The following CACNA1E variants were observed in gnomAD, a reference collection of about 807,000 sequenced individuals.
CACNA1E encodes the protein voltage-dependent R-type calcium channel subunit alpha-1E.
Under a neutral mutation model 259.2 loss-of-function variants are expected in CACNA1E, and 40 were observed. The observed-to-expected ratio is 0.15, with a 90% CI of 0.12 to 0.20. The LOEUF is 0.20. Among genes scored for constraint, CACNA1E ranks in the 10% least tolerant of loss-of-function variants. CACNA1E has a pLI of 1.00. For missense variants in CACNA1E, 1,874 were observed against 3,040.1 expected (o/e 0.62, Z 9.02); for synonymous variants, 1,104 against 1,138.5 (o/e 0.97, Z 0.61).
At chr1:181,371,116 G>A (rs1283196609) in intron 1 of CACNA1E, among the ~76,000 whole-genome samples, 1 of 151,794 alleles carries the variant, frequency 6.6e-6, no homozygotes, top group African/African-American at 2.4e-5. Context: ...TTTTAAATGG[G>A]GTTGTTTTTC....
rs1476355259 is a variant in CACNA1E at position 181,790,575 on chromosome 1, T to C, written c.5898+19T>C. The C allele has an allele frequency of 7.1e-7, 1 of 1,411,942 alleles. No homozygotes were observed. Among genetic ancestry groups the C allele is most frequent in the Admixed American group, 1.7e-5 (1 of 59,772 alleles). The allele number at this position is 1,411,942 out of a possible 1,614,324, so 87.5% of individuals were successfully genotyped here. A position where few individuals can be genotyped will look rare whatever the true frequency, so the allele number is the denominator to read the frequency against. Reference sequence around the variant, plus strand: ...GTCTCTGGTGAATGCATGAGTTATATGACCTCAAAACTACTTCCTTGGTTT... The same window carrying C: ...GTCTCTGGTGAATGCATGAGTTATACGACCTCAAAACTACTTCCTTGGTTT... On this transcript the variant is annotated intron_variant, in intron 44 of 47. Transcript: ENST00000367573.
At chr1:181,443,919 T>G (rs1660650678) in intron 2 of CACNA1E, among the ~76,000 whole-genome samples, 1 of 152,242 alleles carries the variant, frequency 6.6e-6, no homozygotes, top group Non-Finnish European at 1.5e-5. Flanking sequence ...CATAGTACAC[T>G]GATGGGAAAT....
At chr1:181,660,198 G>A (rs925226801) in intron 7 of CACNA1E, among the ~76,000 whole-genome samples, 1 of 152,220 alleles carries the variant, frequency 6.6e-6, no homozygotes, top group Non-Finnish European at 1.5e-5. Flanking sequence ...TGAATGCATA[G>A]AGTGGCTCCC....
intron 7 of CACNA1E, among the ~76,000 whole-genome samples, chr1:181,661,123 A>G (rs559164599): frequency 5.7e-4 from 87 of 152,362 alleles, no homozygotes; most frequent in South Asian, 2.9e-3. Flanking sequence ...ACATTCTAGC[A>G]CAGAGGCACA....
chr1:181,614,313 T>A (rs1655019121), intron 6 of CACNA1E, among the ~76,000 whole-genome samples: 1 of 152,208 alleles, frequency 6.6e-6, no homozygotes, highest in East Asian at 1.9e-4. Context: ...TCAAGCAATT[T>A]AACTTTTTCT....
intron 1 of CACNA1E, among the ~76,000 whole-genome samples, chr1:181,404,207 G>T (rs573384983): frequency 6.6e-6 from 1 of 152,168 alleles, no homozygotes; most frequent in Non-Finnish European, 1.5e-5. Context: ...GGGATGGAAC[G>T]ATCTTGAGGA....
intron 27 of CACNA1E, among the ~76,000 whole-genome samples, chr1:181,752,927 T>G (rs1035164955): frequency 6.6e-6 from 1 of 152,188 alleles, no homozygotes; most frequent in Admixed American, 6.5e-5. Context: ...CTTCCTGCAC[T>G]CTATCACACA....
intron 3 of CACNA1E, among the ~76,000 whole-genome samples, chr1:181,536,921 T>A (rs1219092174): frequency 6.6e-6 from 1 of 151,922 alleles, no homozygotes; most frequent in Non-Finnish European, 1.5e-5. Flanking sequence ...AGGGTTAAAG[T>A]GAGTGCTTGA....
At chr1:181,514,838 C>A (rs536204962) in intron 3 of CACNA1E, among the ~76,000 whole-genome samples, 1 of 152,186 alleles carries the variant, frequency 6.6e-6, no homozygotes, top group South Asian at 2.1e-4. Flanking sequence ...GACCTCTGAC[C>A]TCCTAAACTT....
chr1:181,706,028 G>A (rs1652762308), intron 7 of CACNA1E, among the ~76,000 whole-genome samples: 1 of 152,056 alleles, frequency 6.6e-6, no homozygotes, highest in South Asian at 2.1e-4. Flanking sequence ...ATCTCTCGGT[G>A]TAGAAACCCT....
intron 1 of CACNA1E, among the ~76,000 whole-genome samples, chr1:181,348,336 G>T (rs1652775001): frequency 6.6e-6 from 1 of 152,094 alleles, no homozygotes; most frequent in South Asian, 2.1e-4. Context: ...TAAACTTAGA[G>T]CTTCCAAGCC....
At chr1:181,402,911 C>G (rs991638548) in intron 1 of CACNA1E, among the ~76,000 whole-genome samples, 1 of 152,142 alleles carries the variant, frequency 6.6e-6, no homozygotes, top group Non-Finnish European at 1.5e-5. Context: ...GCTATGTGAC[C>G]TTGGGTAACT....
chr1:181,332,521 C>T (rs1022738337), intron 1 of CACNA1E, among the ~76,000 whole-genome samples: 1 of 152,112 alleles, frequency 6.6e-6, no homozygotes, highest in Non-Finnish European at 1.5e-5. Flanking sequence ...GATAAGTTTG[C>T]TCTTTTGTTC....
intron 6 of CACNA1E, among the ~76,000 whole-genome samples, chr1:181,621,027 C>G (rs1335903727): frequency 6.6e-6 from 1 of 152,212 alleles, no homozygotes. Context: ...TTACATAATA[C>G]ATGGAAAGTT....
At chr1:181,793,880 C>T (rs1661551601) in intron 45 of CACNA1E, 87 bp downstream of exon 45, 2 of 1,396,814 alleles carry the variant, frequency 1.4e-6, no homozygotes, top group African/African-American at 2.9e-5. Context: ...TGCAGGTGAG[C>T]CGTTGACTTG....
At position 181,483,597 on chromosome 1, in the gene CACNA1E, G is replaced by A. The variant is rs1217300532; in HGVS notation, c.-148G>A. ...GGCGGGCTGCTGCTGCTGCCTCTCC[G>A]AAGAGCTCGCGGAGCTCCCCAGAGG... On this transcript the variant is annotated 5_prime_UTR_variant, in exon 1 of 48. Coordinates refer to ENST00000367573, the MANE Select transcript of CACNA1E (RefSeq NM_001205293.3). 8.6e-6 allele frequency: 4 copies of A among 462,842 alleles called. No individual in the cohort carries two copies. Among genetic ancestry groups the A allele is most frequent in the Non-Finnish European group, 1.5e-5 (4 of 264,426 alleles). The allele number at this position is 462,842 out of a possible 1,614,324, so 28.7% of individuals were successfully genotyped here.
intron 45 of CACNA1E, among the ~76,000 whole-genome samples, chr1:181,794,351 G>A (rs927176488): frequency 2.6e-5 from 4 of 152,220 alleles, no homozygotes; most frequent in African/African-American, 9.6e-5. Flanking sequence ...GATGGCAGCA[G>A]AGGGAGAGTG....
At chr1:181,618,926 T>C (rs914698685) in intron 6 of CACNA1E, among the ~76,000 whole-genome samples, 1 of 152,250 alleles carries the variant, frequency 6.6e-6, no homozygotes, top group East Asian at 1.9e-4. Context: ...ACAAAAATTA[T>C]CAGTTTTTAA....
At chr1:181,473,936 G>T (rs745362646) in intron 2 of CACNA1E, among the ~76,000 whole-genome samples, 5 of 152,158 alleles carry the variant, frequency 3.3e-5, no homozygotes, top group Non-Finnish European at 7.3e-5. Flanking sequence ...CTTGCCACAT[G>T]GGCTTATTTT....
Sources: allele counts gnomAD v4.1 joint callset (sites outside exome capture counted in the v4.1 genomes callset), GRCh38; gene constraint gnomAD v4.1.1; transcripts MANE v1.5; gene names NCBI Gene and HGNC (gene_info 2026-07-23, HGNC 2026-07-21).